FUT8: variants seen among roughly 807,000 people sequenced by gnomAD.
The protein encoded by FUT8 is alpha-(1,6)-fucosyltransferase.
A neutral mutation model predicts 71.3 loss-of-function variants in FUT8; 29 were observed. That is an observed-to-expected ratio of 0.41 (90% CI 0.30 to 0.55). The LOEUF is 0.55. FUT8 is among the 20% of genes least tolerant of loss of function. The pLI is 0.34. For missense variants in FUT8, 544 were observed against 702.1 expected (o/e 0.77, Z 2.55); for synonymous variants, 254 against 239.3 (o/e 1.06, Z -0.57).
chr14:65,728,255 T>C (rs1895786508), intron 9 of FUT8, among the ~76,000 whole-genome samples: 1 of 152,194 alleles, frequency 6.6e-6, no homozygotes, highest in Non-Finnish European at 1.5e-5. Context: ...ACTGTATTAG[T>C]CCATTTTCAC....
At chr14:65,722,695 A>C (rs1312618520) in intron 8 of FUT8, among the ~76,000 whole-genome samples, 5 of 152,222 alleles carry the variant, frequency 3.3e-5, no homozygotes, top group African/African-American at 1.2e-4. Context: ...TCCCCAGAAA[A>C]AGAGTGATTA....
At chr14:65,650,216 G>A (rs867912256) in intron 6 of FUT8, among the ~76,000 whole-genome samples, 10 of 143,986 alleles carry the variant, frequency 6.9e-5, no homozygotes, top group Admixed American at 5.0e-4. Flanking sequence ...GGAGAATGGC[G>A]TGAACCTGGG....
chr14:65,680,871 C>T (rs1428509428), intron 7 of FUT8, among the ~76,000 whole-genome samples: 1 of 152,128 alleles, frequency 6.6e-6, no homozygotes, highest in African/African-American at 2.4e-5. Flanking sequence ...AGGATATAAG[C>T]TCCTTCACAT....
chr14:65,385,017 G>A, the FUT8 span, among the ~76,000 whole-genome samples: 435 of 151,658 alleles, frequency 2.9e-3, no homozygotes, highest in African/African-American at 9.7e-3. Context: ...TCAACCTCCC[G>A]AGTAGCTGGG....
the FUT8 span, among the ~76,000 whole-genome samples, chr14:65,373,531 A>C: frequency 6.6e-6 from 1 of 151,918 alleles, no homozygotes; most frequent in African/African-American, 2.4e-5. Flanking sequence ...TTGTAACACC[A>C]CTAGACACTG....
At chr14:65,726,610 C>T (rs758329743) in intron 9 of FUT8, among the ~76,000 whole-genome samples, 3 of 152,148 alleles carry the variant, frequency 2.0e-5, no homozygotes, top group Non-Finnish European at 2.9e-5. Context: ...GGGTCCCTCC[C>T]ACAACACCTG....
chr14:65,466,581 C>T (rs1331315749), intron 2 of FUT8, among the ~76,000 whole-genome samples: 1 of 152,150 alleles, frequency 6.6e-6, no homozygotes, highest in Non-Finnish European at 1.5e-5. Context: ...GAAACCCTGT[C>T]TCTACTAAAA....
intron 1 of FUT8, among the ~76,000 whole-genome samples, chr14:65,429,720 G>A (rs1054741526): frequency 1.6e-4 from 25 of 151,840 alleles, no homozygotes; most frequent in Admixed American, 1.4e-3. Context: ...AAAATCAGCC[G>A]GGTGTGGTGG....
chr14:65,717,208 T>C (rs1321194497), intron 7 of FUT8, among the ~76,000 whole-genome samples: 2 of 80,246 alleles, frequency 2.5e-5, no homozygotes, highest in Non-Finnish European at 4.8e-5. Flanking sequence ...GAGGCGCTCC[T>C]CACCTCCCAG....
chr14:65,665,931 A>G (rs1239039461), intron 6 of FUT8, among the ~76,000 whole-genome samples: 1 of 152,088 alleles, frequency 6.6e-6, no homozygotes, highest in Admixed American at 6.6e-5. Context: ...GGCCTATCGG[A>G]GGGTGGACAA....
rs943351017 is a variant in FUT8, at chr14:65,516,855, C to T, written c.-227-44482C>T. 4.0e-5 allele frequency among the ~76,000 whole-genome samples: 6 copies of T among 151,618 alleles called. No homozygotes were observed. The East Asian group carries it at 5.8e-4, about 15-fold the overall frequency. Reference sequence around the variant, plus strand: ...TCATCCTGAAATGAAACTGTGTGCCCGTTACATAATAATTCCCCGTTACTT... The same window carrying T: ...TCATCCTGAAATGAAACTGTGTGCCTGTTACATAATAATTCCCCGTTACTT... On this transcript the variant is annotated intron_variant, in intron 2 of 10. Coordinates refer to ENST00000673929, the MANE Select transcript of FUT8 (RefSeq NM_001371533.1).
chr14:65,639,548 C>T (rs1299953285), intron 6 of FUT8, among the ~76,000 whole-genome samples: 4 of 150,700 alleles, frequency 2.7e-5, no homozygotes, highest in African/African-American at 9.7e-5. Flanking sequence ...ACTTTTGAAA[C>T]TTCCCTACAA....
intron 6 of FUT8, chr14:65,636,554 A>T (rs992447878): frequency 2.6e-5 from 4 of 152,146 alleles, no homozygotes; most frequent in Non-Finnish European, 4.4e-5. Flanking sequence ...CGTTACTGTC[A>T]TTCAGTTCAA....
chr14:65,540,511 C>T (rs1884613551), intron 2 of FUT8, among the ~76,000 whole-genome samples: 1 of 152,208 alleles, frequency 6.6e-6, no homozygotes, highest in Admixed American at 6.5e-5. Context: ...AGCCAGGCAT[C>T]TAGAGTGGTG....
chr14:65,585,293 C>T (rs1054336712), intron 3 of FUT8, among the ~76,000 whole-genome samples: 37 of 152,034 alleles, frequency 2.4e-4, no homozygotes, highest in Non-Finnish European at 5.0e-4. Context: ...CTCAAGTGCT[C>T]CTCCCACCTC....
Position 65,742,298 on chromosome 14 carries a change from A to C in FUT8, c.1616A>C (p.Tyr539Ser), listed in dbSNP as rs761011052. 1.9e-6 allele frequency: 3 copies of C among 1,613,044 alleles called. No homozygotes were observed. Among genetic ancestry groups the C allele is most frequent in the Non-Finnish European group, 2.5e-6 (3 of 1,179,328 alleles). Residue 539 changes from tyrosine (Y) to serine (S), a missense_variant, in exon 11 of 11, where the codon TAT becomes TCT. Physicochemically the swap from Tyr to Ser is moderately radical, Grantham distance 144. Coordinates refer to ENST00000673929, the MANE Select transcript of FUT8 (RefSeq NM_001371533.1). ...IGVAGNHWDG[Y>S]SKGVNRKLGR... is the part of the protein sequence containing the mutation. ...GTGGCTGGAAATCATTGGGATGGCTATTCTAAAGGTGTCAACAGGAAATTG... is the reference window on the plus strand; with the variant it reads ...GTGGCTGGAAATCATTGGGATGGCTCTTCTAAAGGTGTCAACAGGAAATTG...
At position 65,558,533 on chromosome 14, in the gene FUT8, T is replaced by C. The variant is rs182201784; in HGVS notation, c.-227-2804T>C. Among the ~76,000 whole-genome samples the C allele has an allele frequency of 1.9e-3, 288 of 152,342 alleles. 1 individual carries two copies. The highest frequency in any genetic ancestry group is 5.6e-3 in the Admixed American group (85 of 15,292). On this transcript the variant is annotated intron_variant, in intron 2 of 10. Coordinates refer to ENST00000673929, the MANE Select transcript of FUT8 (RefSeq NM_001371533.1). ...AGTAGGGCATAAATGCAGTTTAAGC[T>C]GTATTTATTAGTGCCAACTAAGTGC...
intron 3 of FUT8, among the ~76,000 whole-genome samples, chr14:65,609,590 T>C (rs1473244802): frequency 6.6e-6 from 1 of 151,980 alleles, no homozygotes; most frequent in Admixed American, 6.6e-5. Flanking sequence ...GACTCTTTTC[T>C]GTTTCATTAT....
the FUT8 span, among the ~76,000 whole-genome samples, chr14:65,380,655 A>G: frequency 0.022 from 3,397 of 152,240 alleles, 101 homozygotes; most frequent in East Asian, 0.096. Flanking sequence ...TTGAAGGGTC[A>G]TCCCTCTGGG....
Sources: gnomAD v4.1 joint callset for allele counts (sites outside exome capture counted in the v4.1 genomes callset) on GRCh38, gnomAD v4.1.1 for gene constraint, MANE v1.5 for transcripts, NCBI Gene and HGNC (gene_info 2026-07-23, HGNC 2026-07-21) for gene names.